Variants in PDE7B observed in about 807,000 individuals in gnomAD.
The protein encoded by PDE7B is 3',5'-cyclic-AMP phosphodiesterase 7B.
A neutral mutation model predicts 56.2 loss-of-function variants in PDE7B; 29 were observed. The observed-to-expected ratio is 0.52, with a 90% CI of 0.38 to 0.70. The LOEUF (loss-of-function observed/expected upper bound fraction) is 0.70, where lower values mean the gene tolerates loss of function less well. Ranked by LOEUF, PDE7B falls within the 30% of genes least tolerant of loss-of-function variation. The pLI, the probability that PDE7B is intolerant of heterozygous loss-of-function variation, is 0.00. For missense variants in PDE7B, 490 were observed against 565.0 expected, an observed-to-expected ratio of 0.87 and a Z score of 1.35; for synonymous variants, 197 against 196.9, an observed-to-expected ratio of 1.00 and a Z score of 0.00.
In PDE7B at chr6:135,947,547, A is replaced by G. The variant is rs373878478; in HGVS notation, c.82+23A>G. 1.2e-5 allele frequency: 18 copies of G among 1,552,874 alleles called. No individual in the cohort carries two copies. The African/African-American group carries it at 1.4e-4, about 12-fold the overall frequency. On this transcript the variant is annotated intron_variant, in intron 2 of 12. Coordinates refer to ENST00000308191, the MANE Select transcript of PDE7B (RefSeq NM_018945.4). ...TGGGTAAGAAGGCTTCTCATTTTAAATATATTAAGCATGTTGATGTCATGT... is the reference window on the plus strand; with the variant it reads ...TGGGTAAGAAGGCTTCTCATTTTAAGTATATTAAGCATGTTGATGTCATGT...
At chr6:136,166,146 C>A (rs905781635) in intron 8 of PDE7B, among the ~76,000 whole-genome samples, 1 of 152,044 alleles carries the variant, frequency 6.6e-6, no homozygotes, top group Non-Finnish European at 1.5e-5. Context: ...GCACCTCAAA[C>A]TCCACATGTC....
chr6:135,965,824 T>C (rs902678950), intron 2 of PDE7B, among the ~76,000 whole-genome samples: 3 of 152,024 alleles, frequency 2.0e-5, no homozygotes, highest in African/African-American at 7.2e-5. Flanking sequence ...CAAGAGGTCA[T>C]GGGAGGCAGA....
At chr6:136,184,174 T>C (rs1197838617) in intron 11 of PDE7B, among the ~76,000 whole-genome samples, 1 of 152,238 alleles carries the variant, frequency 6.6e-6, no homozygotes, top group Non-Finnish European at 1.5e-5. Flanking sequence ...CTATGCTTTG[T>C]ACTCTCAAAG....
chr6:135,978,022 G>A (rs6902199), intron 2 of PDE7B, among the ~76,000 whole-genome samples: 4,636 of 152,170 alleles, frequency 0.03, 211 homozygotes, highest in African/African-American at 0.099. Flanking sequence ...AGGCAAACCT[G>A]TACGGTAATG....
intron 2 of PDE7B, among the ~76,000 whole-genome samples, chr6:136,002,927 C>G (rs1415367420): frequency 1.3e-5 from 2 of 151,934 alleles, no homozygotes; most frequent in East Asian, 3.9e-4. Flanking sequence ...CACACCTATT[C>G]CAAAATTGAC....
chr6:135,997,773 G>C (rs1290627623), intron 2 of PDE7B, among the ~76,000 whole-genome samples: 1 of 152,096 alleles, frequency 6.6e-6, no homozygotes, highest in East Asian at 1.9e-4. Context: ...ACACAAGATG[G>C]TATAAATGAT....
chr6:136,038,294 C>T (rs1003408206), intron 2 of PDE7B: 5 of 1,296,226 alleles, frequency 3.9e-6, no homozygotes, highest in Non-Finnish European at 5.0e-6. Flanking sequence ...AGACAGAATG[C>T]CTGTGCTAGA....
intron 1 of PDE7B, among the ~76,000 whole-genome samples, chr6:135,883,601 C>A (rs928587476): frequency 6.6e-6 from 1 of 152,176 alleles, no homozygotes. Flanking sequence ...ATGAGATCAA[C>A]AAGAAACCTG....
chr6:136,053,744 T>C (rs1235825819), intron 2 of PDE7B, among the ~76,000 whole-genome samples: 3 of 152,068 alleles, frequency 2.0e-5, no homozygotes, highest in East Asian at 1.9e-4. Flanking sequence ...TTTTAATGAT[T>C]GCCATTCTAA....
intron 2 of PDE7B, among the ~76,000 whole-genome samples, chr6:136,065,496 A>G (rs978119733): frequency 6.6e-6 from 1 of 152,196 alleles, no homozygotes; most frequent in Non-Finnish European, 1.5e-5. Context: ...ATCACAAAGC[A>G]TCTAATTGAA....
intron 2 of PDE7B, among the ~76,000 whole-genome samples, chr6:136,104,125 G>C (rs964854919): frequency 6.6e-6 from 1 of 152,134 alleles, no homozygotes; most frequent in Non-Finnish European, 1.5e-5. Context: ...CTCTGAGCCT[G>C]TTTGCAGCCT....
intron 1 of PDE7B, among the ~76,000 whole-genome samples, chr6:135,886,142 G>A (rs1450640892): frequency 6.6e-6 from 1 of 152,146 alleles, no homozygotes; most frequent in Admixed American, 6.6e-5. Context: ...GCTGACTGAA[G>A]AGTGAAAAAT....
intron 2 of PDE7B, among the ~76,000 whole-genome samples, chr6:136,076,252 C>T (rs1777125774): frequency 6.6e-6 from 1 of 152,154 alleles, no homozygotes; most frequent in Non-Finnish European, 1.5e-5. Flanking sequence ...AGGTGGATCA[C>T]TTGAGAGGTC....
At chr6:136,190,039 C>A (rs1468088243) in intron 12 of PDE7B, among the ~76,000 whole-genome samples, 2 of 151,992 alleles carry the variant, frequency 1.3e-5, no homozygotes, top group African/African-American at 4.8e-5. Flanking sequence ...CTTTTTTATA[C>A]TGAGATAAAC....
At chr6:135,935,190 T>TTTTATATATATATATATATATATATATA (rs1436649469) in intron 1 of PDE7B, among the ~76,000 whole-genome samples, 4 of 36,188 alleles carry the variant, frequency 1.1e-4, no homozygotes, top group African/African-American at 1.2e-4. Context: ...ATATATTTAT[T>TTTTATATATATATATATATATATATATA]TATATATATA....
At chr6:135,890,234 A>G (rs1279098119) in intron 1 of PDE7B, among the ~76,000 whole-genome samples, 1 of 152,250 alleles carries the variant, frequency 6.6e-6, no homozygotes, top group Non-Finnish European at 1.5e-5. Flanking sequence ...CTGAAGAAAC[A>G]TAATGTTGGG....
chr6:136,175,428 A>C (rs1562513892), intron 9 of PDE7B, among the ~76,000 whole-genome samples: 2 of 152,164 alleles, frequency 1.3e-5, no homozygotes, highest in African/African-American at 4.8e-5. Context: ...GGCCAAAAAC[A>C]GGAGACTTTT....
intron 2 of PDE7B, among the ~76,000 whole-genome samples, chr6:136,087,037 T>C (rs1309007396): frequency 1.3e-5 from 2 of 152,252 alleles, no homozygotes; most frequent in Admixed American, 6.5e-5. Context: ...CTGCCGTTAC[T>C]TGTATACTAT....
At chr6:135,937,171 G>T (rs1197046354) in intron 1 of PDE7B, among the ~76,000 whole-genome samples, 1 of 152,240 alleles carries the variant, frequency 6.6e-6, no homozygotes, top group East Asian at 1.9e-4. Flanking sequence ...GAGCGACATT[G>T]GTCAGCAAAC....
Sources: allele counts gnomAD v4.1 joint callset (sites outside exome capture counted in the v4.1 genomes callset), GRCh38; gene constraint gnomAD v4.1.1; transcripts MANE v1.5; gene names NCBI Gene and HGNC (gene_info 2026-07-23, HGNC 2026-07-21).